Variants in TDRD10 observed in about 807,000 individuals in gnomAD.
TDRD10 encodes tudor domain containing 10, also known as tudor domain-containing protein 10.
TDRD10 carries 40 observed loss-of-function variants against 48.0 expected under a neutral mutation model. The observed-to-expected ratio is 0.83, with a 90% CI of 0.65 to 1.09. The LOEUF (loss-of-function observed/expected upper bound fraction) is 1.09. TDRD10 is among the 50% of genes least tolerant of loss of function. TDRD10 has a pLI of 0.00. For synonymous variants in TDRD10, 162 were observed against 170.4 expected (o/e 0.95, Z 0.38); for missense variants, 378 against 434.7 (o/e 0.87, Z 1.16).
rs570584518 is a variant in TDRD10, at chr1:154,508,181, G to A, written c.83-242G>A. Among the ~76,000 whole-genome samples the A allele has an allele frequency of 1.5e-3, 236 of 152,300 alleles. 1 individual carries two copies. The highest frequency in any genetic ancestry group is 4.9e-3 in the African/African-American group (205 of 41,566). On this transcript the variant is annotated intron_variant, in intron 3 of 12. Coordinates refer to ENST00000368482, the MANE Select transcript of TDRD10 (RefSeq NM_182499.4). ...TCAGTGTTCATGGGGGTGGGAGGAT[G>A]TTTGTAGGGGTGTATGTGCATGGGA...
intron 6 of TDRD10, among the ~76,000 whole-genome samples, chr1:154,533,902 T>TTA (rs1553198573): frequency 0.013 from 1,953 of 146,058 alleles, 24 homozygotes; most frequent in African/African-American, 0.022. Flanking sequence ...TATTTTTTTT[T>TTA]AATTTTCTAT....
intron 4 of TDRD10, among the ~76,000 whole-genome samples, chr1:154,509,095 CTTTTTTT>C (rs59771172): frequency 7.9e-6 from 1 of 127,230 alleles, no homozygotes; most frequent in Non-Finnish European, 1.6e-5. Flanking sequence ...CACCTCCTGA[CTTTTTTT>C]TTTTTTTTTT....
At chr1:154,507,665 G>A (rs1007307127) in intron 3 of TDRD10, among the ~76,000 whole-genome samples, 2 of 152,184 alleles carry the variant, frequency 1.3e-5, no homozygotes, top group Middle Eastern at 3.4e-3. Flanking sequence ...GCCCTCACCC[G>A]TATCACCCAG....
chr1:154,536,070 C>T (rs72698177), intron 6 of TDRD10, among the ~76,000 whole-genome samples: 1 of 152,332 alleles, frequency 6.6e-6, no homozygotes, highest in Non-Finnish European at 1.5e-5. Flanking sequence ...GAAAAAGCAG[C>T]AGTTAATTCC....
intron 4 of TDRD10, among the ~76,000 whole-genome samples, chr1:154,515,777 T>G (rs1693729671): frequency 6.6e-6 from 1 of 152,188 alleles, no homozygotes; most frequent in Non-Finnish European, 1.5e-5. Flanking sequence ...TACAATGGCA[T>G]GATCTTTGCT....
chr1:154,527,973 C>T (rs1275432985), intron 6 of TDRD10, among the ~76,000 whole-genome samples: 5 of 152,324 alleles, frequency 3.3e-5, no homozygotes, highest in South Asian at 4.1e-4. Context: ...CTTACAAAAA[C>T]TATCACAACC....
intron 12 of TDRD10, 69 bp downstream of exon 12, chr1:154,547,548 T>G (rs572643660): frequency 1.2e-6 from 2 of 1,614,266 alleles, no homozygotes; most frequent in South Asian, 2.2e-5. Flanking sequence ...TGCAGCAGGC[T>G]GCTGCCTAGG....
At position 154,521,471 on chromosome 1, in the gene TDRD10, GC is replaced by G. The variant is rs1225508215; in HGVS notation, c.365del (p.Pro122ArgfsTer35). On this transcript the variant is annotated frameshift_variant, in exon 6 of 13. Transcript: ENST00000368482. LOFTEE classifies it high-confidence loss of function. ...CCCTGATATGATCCAGCAGCCTCGG[GC>G]CCCGCTGGTATGTCTTCTGGCCTTT... Reference protein sequence around the residue: ...RTPDMIQQPRAPLVLEKASGE... With the variant: ...RTPDMIQQPRXPLVLEKASGE... 1 of 1,613,696 alleles carries G rather than the reference GC, an allele frequency of 6.2e-7. No individual in the cohort carries two copies. The highest frequency in any genetic ancestry group is 8.5e-7 in the Non-Finnish European group (1 of 1,179,986).
intron 1 of TDRD10, among the ~76,000 whole-genome samples, chr1:154,505,416 C>CT (rs1693093073): frequency 6.6e-6 from 1 of 152,202 alleles, no homozygotes; most frequent in African/African-American, 2.4e-5. Flanking sequence ...TCCTGTATCT[C>CT]TGATTTTGCC....
chr1:154,514,636 C>T (rs1388616893), intron 4 of TDRD10, among the ~76,000 whole-genome samples: 1 of 152,172 alleles, frequency 6.6e-6, no homozygotes, highest in Non-Finnish European at 1.5e-5. Flanking sequence ...GGCCAACCCA[C>T]TGCTGTCCCA....
At chr1:154,545,882 C>T (rs900990728) in intron 11 of TDRD10, among the ~76,000 whole-genome samples, 4 of 148,654 alleles carry the variant, frequency 2.7e-5, no homozygotes, top group African/African-American at 5.0e-5. Flanking sequence ...ATAATTCTCC[C>T]GCCTCAGCCT....
chr1:154,530,394 CCTT>C (rs1186465170), intron 6 of TDRD10, among the ~76,000 whole-genome samples: 2 of 147,660 alleles, frequency 1.4e-5, no homozygotes, highest in East Asian at 2.0e-4. Flanking sequence ...TCCATGGTTT[CCTT>C]CTTTTTTTTT....
Position 154,531,942 on chromosome 1 carries a change from G to A in TDRD10, c.370-10082G>A, listed in dbSNP as rs1339092377. Among the ~76,000 whole-genome samples, 4 of 152,328 alleles carry A rather than the reference G, an allele frequency of 2.6e-5. 1 individual carries two copies. In the East Asian group the frequency reaches 5.8e-4, roughly 22 times the overall value. On this transcript the variant is annotated intron_variant, in intron 6 of 12. Coordinates refer to ENST00000368482, the MANE Select transcript of TDRD10 (RefSeq NM_182499.4). ...TCACAAACCCTGAGCTAGACACAGA[G>A]CGCTGATTGGTGTATTTACAATCCC...
At chr1:154,508,840 C>T (rs1355939333) in intron 4 of TDRD10, among the ~76,000 whole-genome samples, 1 of 151,882 alleles carries the variant, frequency 6.6e-6, no homozygotes, top group African/African-American at 2.4e-5. Flanking sequence ...TTGGTTTCAG[C>T]CAAAAAAAAT....
rs753817828 is a variant in TDRD10 at position 154,506,900 on chromosome 1, C to A, written c.-4C>A. Reference sequence around the variant, plus strand: ...AGGAGATCCTGTTGGAAAGCAACTGCAGCATGTAAGTCCCTTCCTTTTGCT... The same window carrying A: ...AGGAGATCCTGTTGGAAAGCAACTGAAGCATGTAAGTCCCTTCCTTTTGCT... On this transcript the variant is annotated 5_prime_UTR_variant, in exon 2 of 13. Coordinates refer to ENST00000368482, the MANE Select transcript of TDRD10 (RefSeq NM_182499.4). The A allele has an allele frequency of 1.2e-6, 2 of 1,614,182 alleles. No homozygotes were observed. The highest frequency in any genetic ancestry group is 1.1e-5 in the South Asian group (1 of 91,078).
intron 12 of TDRD10, 89 bp from the exon 13 acceptor site, chr1:154,547,589 T>C: frequency 1.2e-6 from 2 of 1,614,260 alleles, no homozygotes; most frequent in Non-Finnish European, 1.7e-6. Flanking sequence ...GGCATTCTTT[T>C]AGATCAAACG....
chr1:154,542,675 G>A, intron 7 of TDRD10, 56 bp from the exon 8 acceptor site: 1 of 1,461,288 alleles, frequency 6.8e-7, no homozygotes, highest in Middle Eastern at 1.9e-4. Context: ...GGTTAGGGGA[G>A]CAATTCCTCT....
chr1:154,535,059 A>G (rs552868909), intron 6 of TDRD10, among the ~76,000 whole-genome samples: 1 of 152,340 alleles, frequency 6.6e-6, no homozygotes, highest in East Asian at 1.9e-4. Context: ...AGGTGGTGTG[A>G]TTGAATTCTT....
At chr1:154,519,696 T>C (rs183522860) in intron 4 of TDRD10, among the ~76,000 whole-genome samples, 10 of 151,588 alleles carry the variant, frequency 6.6e-5, no homozygotes, top group African/African-American at 2.4e-4. Flanking sequence ...AGAGAAAAAA[T>C]AGGGTGTAGT....
Sources: allele counts gnomAD v4.1 joint callset (sites outside exome capture counted in the v4.1 genomes callset), GRCh38; gene constraint gnomAD v4.1.1; transcripts MANE v1.5; gene names NCBI Gene and HGNC (gene_info 2026-07-23, HGNC 2026-07-21).